Variants in ACSS2 observed in about 807,000 individuals in gnomAD.
ACSS2 encodes acyl-CoA synthetase short chain family member 2, also known as acetyl-coenzyme A synthetase, cytoplasmic.
Under a neutral mutation model 90.6 loss-of-function variants are expected in ACSS2, and 58 were observed. The ratio of observed to expected loss-of-function variants is 0.64; its 90% CI spans 0.52 to 0.80. The LOEUF is 0.80. Among genes scored for constraint, ACSS2 ranks in the 30% least tolerant of loss-of-function variants. The pLI, the probability that ACSS2 is intolerant of heterozygous loss-of-function variation, is 0.00. For missense variants in ACSS2, 759 were observed against 912.0 expected (o/e 0.83, Z 2.16); for synonymous variants, 300 against 330.9 (o/e 0.91, Z 1.01).
In ACSS2 at chr20:34,913,391, A is replaced by G. The variant is rs1419372076; in HGVS notation, c.467-2A>G. Reference sequence around the variant, plus strand: ...GTTCATATTCTGTGCTTTTACCTGCAGGCATTCAGAAGGGGGACCGAGTGG... The same window carrying G: ...GTTCATATTCTGTGCTTTTACCTGCGGGCATTCAGAAGGGGGACCGAGTGG... On this transcript the variant is annotated splice_acceptor_variant, in intron 3 of 17. Coordinates refer to ENST00000360596, the MANE Select transcript of ACSS2 (RefSeq NM_018677.4). LOFTEE classifies it high-confidence loss of function. 1 of 1,613,778 alleles carries G rather than the reference A, an allele frequency of 6.2e-7. No homozygotes were observed. The highest frequency in any genetic ancestry group is 1.7e-5 in the Admixed American group (1 of 60,002).
chr20:34,925,913 A>C, intron 15 of ACSS2, 147 bp downstream of exon 15: 1 of 1,077,384 alleles, frequency 9.3e-7, no homozygotes, highest in African/African-American at 1.6e-5. Flanking sequence ...GTTTTAGAGG[A>C]GTAATGAACA....
chr20:34,914,168 A>G lies in ACSS2; in HGVS notation c.716A>G (p.Glu239Gly). 1 of 1,614,128 alleles carries G rather than the reference A, an allele frequency of 6.2e-7. No individual in the cohort carries two copies. The change falls in exon 6 of 18, where the codon GAG becomes GGG. Residue 239 changes from glutamate (E) to glycine (G), a missense_variant. Coordinates refer to ENST00000360596, the MANE Select transcript of ACSS2 (RefSeq NM_018677.4). ...LADEALQKCQ[E>G]KGFPVRCCIV... Reference sequence around the variant, plus strand: ...GACGAGGCCCTGCAGAAGTGTCAGGAGAAGTAAGTGTGTTTGGCTACTGTC... The same window carrying G: ...GACGAGGCCCTGCAGAAGTGTCAGGGGAAGTAAGTGTGTTTGGCTACTGTC...
At chr20:34,910,769 G>A (rs369861621) in intron 2 of ACSS2, among the ~76,000 whole-genome samples, 1 of 152,158 alleles carries the variant, frequency 6.6e-6, no homozygotes, top group South Asian at 2.1e-4. Context: ...CCACTTGTAT[G>A]TATTACTTAT....
intron 2 of ACSS2, among the ~76,000 whole-genome samples, chr20:34,884,081 G>A (rs2080132697): frequency 6.6e-6 from 1 of 152,122 alleles, no homozygotes; most frequent in South Asian, 2.1e-4. Flanking sequence ...GAGTAGGTGG[G>A]ACTACAGACA....
intron 3 of ACSS2, 79 bp downstream of exon 3, chr20:34,913,266 A>G: frequency 6.4e-7 from 1 of 1,559,496 alleles, no homozygotes. Context: ...GGGAGAGGGC[A>G]AGGGATGGAA....
chr20:34,921,612 T>C lies in ACSS2; in HGVS notation c.1467+12T>C. 6.2e-7 allele frequency: 1 copy of C among 1,614,184 alleles called. No individual in the cohort carries two copies. The highest frequency in any genetic ancestry group is 2.2e-5 in the East Asian group (1 of 44,886). On this transcript the variant is annotated intron_variant, in intron 12 of 17. Coordinates refer to ENST00000360596, the MANE Select transcript of ACSS2 (RefSeq NM_018677.4). ...AACCCGGTTCTGCTGTGAGTGATGCTTCCCTGGCTGGTCTTGGGCTAGGCA... is the reference window on the plus strand; with the variant it reads ...AACCCGGTTCTGCTGTGAGTGATGCCTCCCTGGCTGGTCTTGGGCTAGGCA...
intron 1 of ACSS2, among the ~76,000 whole-genome samples, chr20:34,877,909 C>CAGATAGATAGACAGATAGATAGAT (rs2079965020): frequency 4.8e-5 from 7 of 146,630 alleles, no homozygotes; most frequent in South Asian, 2.2e-4. Flanking sequence ...GATAGATAGA[C>CAGATAGATAGACAGATAGATAGAT]AGATAGATAG....
At chr20:34,876,251 CGG>C (rs1173918894), upstream of ACSS2, among the ~76,000 whole-genome samples, 8 of 152,044 alleles carry the variant, frequency 5.3e-5, no homozygotes, top group Non-Finnish European at 1.2e-4. Context: ...CACAACCAGC[CGG>C]GTTACTCCCC....
chr20:34,890,211 C>G (rs1276059460), intron 2 of ACSS2, among the ~76,000 whole-genome samples: 1 of 152,076 alleles, frequency 6.6e-6, no homozygotes, highest in Non-Finnish European at 1.5e-5. Context: ...AGGAAAGAGT[C>G]AAGGATTCTC....
chr20:34,905,608 C>T (rs146222367), intron 2 of ACSS2, among the ~76,000 whole-genome samples: 9 of 152,194 alleles, frequency 5.9e-5, no homozygotes, highest in South Asian at 2.1e-4. Context: ...ATTGAAAAAT[C>T]GAAAAAATTG....
chr20:34,924,538 T>C (rs1341665227), intron 14 of ACSS2, among the ~76,000 whole-genome samples: 7 of 152,136 alleles, frequency 4.6e-5, no homozygotes, highest in Non-Finnish European at 1.0e-4. Flanking sequence ...GTCTGAAGAA[T>C]GGACTGAAGC....
intron 2 of ACSS2, among the ~76,000 whole-genome samples, chr20:34,906,491 C>T (rs2080809560): frequency 6.6e-6 from 1 of 151,994 alleles, no homozygotes; most frequent in African/African-American, 2.4e-5. Context: ...GTGCTTATAT[C>T]AATAATGTAT....
rs1186720435 is a variant in ACSS2 at position 34,923,369 on chromosome 20, A to G, written c.1595A>G (p.Asn532Ser). Residue 532 changes from asparagine (N) to serine (S), a missense_variant, in exon 14 of 18, where the codon AAC (asparagine) becomes AGC (serine). Physicochemically the swap from Asn to Ser is conservative, Grantham distance 46. Transcript: ENST00000360596. The part of the protein sequence containing the change: ...WPGIMRTVYG[N>S]HERFETTYFK... Reference sequence around the variant, plus strand: ...GGGATCATGCGCACAGTCTATGGGAACCACGAACGCTTTGAGACAACCTAC... The same window carrying G: ...GGGATCATGCGCACAGTCTATGGGAGCCACGAACGCTTTGAGACAACCTAC... 8.1e-6 allele frequency: 13 copies of G among 1,614,036 alleles called. No individual in the cohort carries two copies. The East Asian group carries it at 2.9e-4, about 36-fold the overall frequency.
rs563073009 is a variant in ACSS2 at position 34,917,743 on chromosome 20, GTTGTTT to G, written c.835-1671_835-1666del. 4.7e-3 allele frequency among the ~76,000 whole-genome samples: 714 copies of G among 151,800 alleles called. 1 individual carries two copies. Among genetic ancestry groups the G allele is most frequent in the Non-Finnish European group, 7.5e-3 (512 of 67,900 alleles). ...TCTTAAGTTTTTGTGGGTTTTTTTT[GTTGTTT>G]TTGTTTTTGTTTTTGTTTTTTGAGA... On this transcript the variant is annotated intron_variant, in intron 7 of 17. Coordinates refer to ENST00000360596, the MANE Select transcript of ACSS2 (RefSeq NM_018677.4).
At chr20:34,910,821 CATTT>C (rs1250493675) in intron 2 of ACSS2, among the ~76,000 whole-genome samples, 2 of 151,992 alleles carry the variant, frequency 1.3e-5, no homozygotes, top group African/African-American at 2.4e-5. Flanking sequence ...CTAAGGGAAA[CATTT>C]ATTTATTTAT....
Position 34,921,881 on chromosome 20 carries a change from C to T in ACSS2, c.1548+15C>T, listed in dbSNP as rs1370398311. Reference sequence around the variant, plus strand: ...AAGGTTATCTGGTGAGGCCCTGGCCCTTGGGAGTCTTTAAGGAGAGAGGGA... The same window carrying T: ...AAGGTTATCTGGTGAGGCCCTGGCCTTTGGGAGTCTTTAAGGAGAGAGGGA... On this transcript the variant is annotated intron_variant, in intron 13 of 17. Coordinates refer to ENST00000360596, the MANE Select transcript of ACSS2 (RefSeq NM_018677.4). The T allele has an allele frequency of 6.2e-7, 1 of 1,606,316 alleles. No homozygotes were observed. Among genetic ancestry groups the T allele is most frequent in the African/African-American group, 1.3e-5 (1 of 74,292 alleles).
chr20:34,925,561 C>T (rs545210143), intron 14 of ACSS2, 137 bp from the exon 15 acceptor site: 161 of 840,442 alleles, frequency 1.9e-4, no homozygotes, highest in Admixed American at 3.4e-4. Flanking sequence ...CTCTTGGAGG[C>T]TGGCTACTAC....
chr20:34,892,741 G>A (rs757940282), intron 2 of ACSS2, among the ~76,000 whole-genome samples: 24 of 152,164 alleles, frequency 1.6e-4, no homozygotes, highest in Non-Finnish European at 2.8e-4. Flanking sequence ...AGGTAACAGC[G>A]GTGCTGATCT....
Position 34,913,408 on chromosome 20 carries a change from A to C in ACSS2, c.482A>C (p.Asp161Ala). 6.2e-7 allele frequency: 1 copy of C among 1,613,672 alleles called. No homozygotes were observed. The highest frequency in any genetic ancestry group is 8.5e-7 in the Non-Finnish European group (1 of 1,179,908). ...VLRKQGIQKG[D>A]RVAIYMPMIP... ...TTACCTGCAGGCATTCAGAAGGGGG[A>C]CCGAGTGGCCATCTACATGCCTATG... Residue 161 changes from aspartate (D) to alanine (A), a missense_variant, in exon 4 of 18, where the codon GAC (aspartate) becomes GCC (alanine). Physicochemically the swap from Asp to Ala is moderately radical, Grantham distance 126. Transcript: ENST00000360596.
Sources: gnomAD v4.1 joint callset for allele counts (sites outside exome capture counted in the v4.1 genomes callset) on GRCh38, gnomAD v4.1.1 for gene constraint, MANE v1.5 for transcripts, NCBI Gene and HGNC (gene_info 2026-07-23, HGNC 2026-07-21) for gene names.